EYA2: variants seen among roughly 807,000 people sequenced by gnomAD.
EYA2 encodes EYA transcriptional coactivator and phosphatase 2, also known as protein phosphatase EYA2.
EYA2 carries 31 observed loss-of-function variants against 69.2 expected under a neutral mutation model. The ratio of observed to expected loss-of-function variants is 0.45; its 90% confidence interval spans 0.34 to 0.60. The LOEUF is 0.60. Ranked by LOEUF, EYA2 falls within the 20% of genes least tolerant of loss-of-function variation. The pLI, the probability that EYA2 is intolerant of heterozygous loss-of-function variation, is 0.02. For synonymous variants in EYA2, 257 were observed against 279.4 expected, an observed-to-expected ratio of 0.92 and a Z score of 0.80; for missense variants, 622 against 701.2, an observed-to-expected ratio of 0.89 and a Z score of 1.28.
At chr20:46,897,102 T>C (rs1983850855) in intron 1 of EYA2, among the ~76,000 whole-genome samples, 1 of 152,272 alleles carries the variant, frequency 6.6e-6, no homozygotes, top group Non-Finnish European at 1.5e-5. Context: ...AGGTATGATT[T>C]GTTGACTTGT....
At position 47,095,460 on chromosome 20, in the gene EYA2, A is replaced by G. The variant is rs2032220636; in HGVS notation, c.805-1625A>G. On this transcript the variant is annotated intron_variant, in intron 8 of 15. Transcript: ENST00000327619. ...TAAAAATTTTCAGATCTGTAGAAAG[A>G]TGCAAGTCATTGGGTTGAAAATGCT... Among the ~76,000 whole-genome samples the G allele has an allele frequency of 3.9e-5, 6 of 152,274 alleles. No individual in the cohort carries two copies. In the South Asian group the frequency reaches 1.2e-3, roughly 32 times the overall value.
intron 1 of EYA2, among the ~76,000 whole-genome samples, chr20:46,911,110 G>A (rs1984622967): frequency 6.6e-6 from 1 of 152,192 alleles, no homozygotes. Flanking sequence ...TCCATTAGAA[G>A]TATGAAAATG....
At chr20:46,991,922 C>T (rs919764335) in intron 2 of EYA2, among the ~76,000 whole-genome samples, 3 of 146,384 alleles carry the variant, frequency 2.0e-5, no homozygotes, top group Non-Finnish European at 3.0e-5. Flanking sequence ...GAGCCGAGAT[C>T]GTACCATTGC....
chr20:46,929,538 C>T (rs953975804), intron 1 of EYA2, among the ~76,000 whole-genome samples: 2 of 151,918 alleles, frequency 1.3e-5, no homozygotes, highest in Non-Finnish European at 2.9e-5. Flanking sequence ...GAGGTTGGCT[C>T]ATGCAGTAGT....
At chr20:46,918,269 C>T (rs1399779281) in intron 1 of EYA2, among the ~76,000 whole-genome samples, 5 of 151,130 alleles carry the variant, frequency 3.3e-5, no homozygotes, top group Non-Finnish European at 7.4e-5. Flanking sequence ...TGCAGTGAGC[C>T]GAGATCGCGC....
intron 7 of EYA2, among the ~76,000 whole-genome samples, chr20:47,084,592 A>T (rs2031832804): frequency 6.6e-6 from 1 of 152,218 alleles, no homozygotes; most frequent in Admixed American, 6.5e-5. Context: ...CAGATGATAG[A>T]TGCCTCACCA....
chr20:46,924,486 C>G (rs796334998), intron 1 of EYA2, among the ~76,000 whole-genome samples: 1 of 152,030 alleles, frequency 6.6e-6, no homozygotes, highest in African/African-American at 2.4e-5. Flanking sequence ...CTGGCTAACA[C>G]GGTGAAAACC....
At chr20:46,936,843 G>T (rs1276143214) in intron 1 of EYA2, among the ~76,000 whole-genome samples, 1 of 152,070 alleles carries the variant, frequency 6.6e-6, no homozygotes, top group Non-Finnish European at 1.5e-5. Flanking sequence ...GCGATTCGGG[G>T]ATTTCTTTTC....
At chr20:47,172,665 C>A (rs759578806) in intron 11 of EYA2, 42 bp from the exon 12 acceptor site, 1 of 1,544,450 alleles carries the variant, frequency 6.5e-7, no homozygotes, top group South Asian at 1.2e-5. Context: ...ATGCCCTGCA[C>A]CCCCCTGCAC....
intron 5 of EYA2, among the ~76,000 whole-genome samples, chr20:47,018,580 A>G (rs907923672): frequency 1.1e-4 from 17 of 152,238 alleles, no homozygotes; most frequent in Non-Finnish European, 2.4e-4. Flanking sequence ...AGGCTGCCAC[A>G]GGAGGGGCCA....
intron 6 of EYA2, 116 bp downstream of exon 6, chr20:47,072,368 A>G: frequency 9.9e-7 from 1 of 1,012,486 alleles, no homozygotes; most frequent in South Asian, 1.4e-5. Context: ...CCTGCCTCTT[A>G]GTCCCTGGGT....
At chr20:47,147,664 G>A (rs895273745) in intron 10 of EYA2, among the ~76,000 whole-genome samples, 2 of 152,174 alleles carry the variant, frequency 1.3e-5, no homozygotes, top group Non-Finnish European at 2.9e-5. Context: ...CTGGCTGCCT[G>A]GTGGAGAACA....
At chr20:46,903,263 T>G (rs1029789051) in intron 1 of EYA2, among the ~76,000 whole-genome samples, 1 of 152,192 alleles carries the variant, frequency 6.6e-6, no homozygotes, top group Non-Finnish European at 1.5e-5. Flanking sequence ...TTGAGCTTTC[T>G]AATGTTTGAG....
chr20:47,181,427 C>A (rs964350543), intron 14 of EYA2, among the ~76,000 whole-genome samples: 21 of 152,242 alleles, frequency 1.4e-4, no homozygotes, highest in African/African-American at 4.8e-4. Context: ...AGGCCAAGCT[C>A]AGAAGGCTAT....
At chr20:46,981,307 T>A (rs770627489) in intron 1 of EYA2, among the ~76,000 whole-genome samples, 33 of 152,214 alleles carry the variant, frequency 2.2e-4, no homozygotes, top group Non-Finnish European at 3.1e-4. Flanking sequence ...CTCTGGAAAC[T>A]GAGTTGCCTT....
chr20:46,896,378 A>T (rs1983811750), intron 1 of EYA2, among the ~76,000 whole-genome samples: 2 of 151,450 alleles, frequency 1.3e-5, no homozygotes, highest in Non-Finnish European at 2.9e-5. Flanking sequence ...TTAGCAACTA[A>T]CATACACATG....
chr20:47,005,017 G>A lies in EYA2; in HGVS notation c.231G>A (p.Gly77=). ...ACGGCCAGACGCAGTACAGTGCGGG[G>A]ATCCAGCAGGCTACCCCCTATACAG... ...AAYGQTQYSA[G]IQQATPYTAY... Residue 77 remains glycine, a synonymous_variant, in exon 4 of 16, where the codon GGG becomes GGA. Coordinates refer to ENST00000327619, the MANE Select transcript of EYA2 (RefSeq NM_005244.5). 6.2e-7 allele frequency: 1 copy of A among 1,614,030 alleles called. No homozygotes were observed. Among genetic ancestry groups the A allele is most frequent in the Non-Finnish European group, 8.5e-7 (1 of 1,179,972 alleles).
intron 1 of EYA2, among the ~76,000 whole-genome samples, chr20:46,927,930 C>G (rs185536332): frequency 6.6e-6 from 1 of 152,128 alleles, no homozygotes; most frequent in Admixed American, 6.5e-5. Context: ...TAACCCTAAC[C>G]GTGACCCGAA....
At chr20:47,074,051 C>A in intron 6 of EYA2, 107 bp from the exon 7 acceptor site, 1 of 1,098,210 alleles carries the variant, frequency 9.1e-7, no homozygotes, top group Non-Finnish European at 1.2e-6. Context: ...TTTCTGCCCA[C>A]AGAGAGCTTT....
Sources: allele counts gnomAD v4.1 joint callset (sites outside exome capture counted in the v4.1 genomes callset), GRCh38; gene constraint gnomAD v4.1.1; transcripts MANE v1.5; gene names NCBI Gene and HGNC (gene_info 2026-07-23, HGNC 2026-07-21).